Variants in SMARCAL1 observed in about 807,000 individuals in gnomAD.
SMARCAL1 encodes the protein ATP-driven annealing helicase.
In SMARCAL1, 58 loss-of-function variants were observed where a neutral mutation model predicts 94.5. The ratio of observed to expected loss-of-function variants is 0.61; its 90% CI spans 0.50 to 0.76. SMARCAL1 has a LOEUF of 0.76. Ranked by LOEUF, SMARCAL1 falls within the 30% of genes least tolerant of loss-of-function variation. SMARCAL1 has a pLI of 0.00. For missense variants in SMARCAL1, 1,051 were observed against 1,177.9 expected (o/e 0.89, Z 1.58); for synonymous variants, 422 against 455.1 (o/e 0.93, Z 0.93).
At chr2:216,463,137 C>T (rs966847507) in intron 12 of SMARCAL1, among the ~76,000 whole-genome samples, 1 of 152,154 alleles carries the variant, frequency 6.6e-6, no homozygotes, top group African/African-American at 2.4e-5. Context: ...GATGTTATTG[C>T]TGTTGAATCA....
intron 13 of SMARCAL1, among the ~76,000 whole-genome samples, chr2:216,466,121 C>T (rs1694824305): frequency 1.3e-5 from 2 of 152,166 alleles, no homozygotes; most frequent in Admixed American, 1.3e-4. Flanking sequence ...GTGTGCGTTT[C>T]TCCCTTGCTC....
chr2:216,432,865 G>C lies in SMARCAL1; in HGVS notation c.1482G>C (p.Glu494Asp). ...CATCCTCCGTGCGCTTCACCTGGGA[G>C]CAGGTTAATGGTCTTCAAATTGCAG... The part of the protein sequence containing the change: ...VVPSSVRFTW[E>D]QAFLRWLPSL... The change falls in exon 8 of 18, where the codon GAG (glutamate) becomes GAC (aspartate). Residue 494 changes from glutamate (E) to aspartate (D), a missense_variant. Coordinates refer to ENST00000357276, the MANE Select transcript of SMARCAL1 (RefSeq NM_014140.4). 3 of 1,614,242 alleles carry C rather than the reference G, an allele frequency of 1.9e-6. No homozygotes were observed. Among genetic ancestry groups the C allele is most frequent in the Non-Finnish European group, 2.5e-6 (3 of 1,180,044 alleles).
intron 15 of SMARCAL1, 108 bp from the exon 16 acceptor site, chr2:216,477,001 G>A (rs1275351808): frequency 4.8e-6 from 4 of 831,868 alleles, no homozygotes. Flanking sequence ...CTTTGAGGAG[G>A]GAGGGTTGTG....
chr2:216,443,366 CAA>C (rs34568945), intron 10 of SMARCAL1, among the ~76,000 whole-genome samples: 7 of 81,046 alleles, frequency 8.6e-5, no homozygotes, highest in Admixed American at 1.4e-4. Context: ...CACTCTGTCT[CAA>C]AAAAAAAAAA....
chr2:216,419,668 A>G (rs1000151912), intron 4 of SMARCAL1, among the ~76,000 whole-genome samples: 2 of 152,086 alleles, frequency 1.3e-5, no homozygotes, highest in South Asian at 2.1e-4. Flanking sequence ...TTATCTAATA[A>G]GTTTATTCAT....
chr2:216,464,470 C>G, intron 12 of SMARCAL1, 127 bp from the exon 13 acceptor site: 1 of 796,240 alleles, frequency 1.3e-6, no homozygotes, highest in South Asian at 1.4e-5. Flanking sequence ...ATTGTCAGCA[C>G]CAGGGTCTCC....
At chr2:216,442,830 T>G (rs1694224530) in intron 10 of SMARCAL1, among the ~76,000 whole-genome samples, 1 of 152,186 alleles carries the variant, frequency 6.6e-6, no homozygotes, top group Non-Finnish European at 1.5e-5. Flanking sequence ...CATTTTTTCA[T>G]ATGTTAGAGA....
At chr2:216,459,497 A>G (rs1194584905) in intron 12 of SMARCAL1, among the ~76,000 whole-genome samples, 2 of 152,210 alleles carry the variant, frequency 1.3e-5, no homozygotes, top group Non-Finnish European at 2.9e-5. Context: ...ATCTAGACCA[A>G]TGGAACAGAA....
At chr2:216,449,055 T>G (rs1183488138) in intron 11 of SMARCAL1, among the ~76,000 whole-genome samples, 2 of 152,216 alleles carry the variant, frequency 1.3e-5, no homozygotes, top group Non-Finnish European at 2.9e-5. Context: ...AGCATGGCAC[T>G]GGCATCTAGT....
chr2:216,446,983 T>G (rs762671283), intron 10 of SMARCAL1, 35 bp from the exon 11 acceptor site: 1 of 1,613,604 alleles, frequency 6.2e-7, no homozygotes, highest in Non-Finnish European at 8.5e-7. Flanking sequence ...TGCTCCTCCC[T>G]GTGTTCAGAG....
chr2:216,442,172 T>C (rs1476484054), intron 10 of SMARCAL1, among the ~76,000 whole-genome samples: 1 of 152,086 alleles, frequency 6.6e-6, no homozygotes, highest in African/African-American at 2.4e-5. Context: ...TCCTAACACT[T>C]TGGGAGGCCT....
chr2:216,413,210 G>C (rs1473531629), intron 1 of SMARCAL1, among the ~76,000 whole-genome samples: 1 of 152,190 alleles, frequency 6.6e-6, no homozygotes, highest in Non-Finnish European at 1.5e-5. Context: ...GGAAGGCTTT[G>C]AACCCTATAG....
Position 216,451,075 on chromosome 2 carries a change from G to A in SMARCAL1, c.2070+11G>A, listed in dbSNP as rs780506185. On this transcript the variant is annotated intron_variant, in intron 12 of 17. Coordinates refer to ENST00000357276, the MANE Select transcript of SMARCAL1 (RefSeq NM_014140.4). ...ACCAAGGACAAAACTGTGAGTCCAG[G>A]GCTGGAGACAGATTTGGAAGCAGAC... 6.8e-6 allele frequency: 11 copies of A among 1,606,976 alleles called. No homozygotes were observed. In the South Asian group the frequency reaches 9.9e-5, roughly 14 times the overall value.
At chr2:216,462,914 C>A (rs1260413819) in intron 12 of SMARCAL1, among the ~76,000 whole-genome samples, 1 of 151,980 alleles carries the variant, frequency 6.6e-6, no homozygotes, top group Non-Finnish European at 1.5e-5. Flanking sequence ...TGCTTGAGCC[C>A]AAGACGCTGA....
In SMARCAL1 at chr2:216,428,673, C is replaced by G; in HGVS notation, c.1225C>G (p.Leu409Val). 3 of 1,614,230 alleles carry G rather than the reference C, an allele frequency of 1.9e-6. No individual in the cohort carries two copies. Among genetic ancestry groups the G allele is most frequent in the Non-Finnish European group, 2.5e-6 (3 of 1,180,028 alleles). ...TTLTLAFASQLKKTSLSLTPD... is the reference protein window; with the variant it reads ...TTLTLAFASQVKKTSLSLTPD... ...TCTCACCCTGGCGTTTGCTTCTCAG[C>G]TCAAGAAGACATCTCTCAGTCTCAC... The change falls in exon 7 of 18, where the codon CTC becomes GTC. Residue 409 changes from leucine (L) to valine (V), a missense_variant. Leu to Val is a conservative substitution (Grantham distance 32). Transcript: ENST00000357276.
intron 10 of SMARCAL1, among the ~76,000 whole-genome samples, chr2:216,444,632 C>T (rs749278403): frequency 5.3e-5 from 8 of 152,194 alleles, no homozygotes; most frequent in South Asian, 2.1e-4. Flanking sequence ...TGATTCCCTG[C>T]GTCAGCCTCC....
chr2:216,452,250 G>A (rs1384439035), intron 12 of SMARCAL1, among the ~76,000 whole-genome samples: 2 of 151,958 alleles, frequency 1.3e-5, no homozygotes, highest in African/African-American at 4.8e-5. Flanking sequence ...AGGAAGCTTT[G>A]TCACTAAAAT....
chr2:216,458,102 T>C (rs1694612260), intron 12 of SMARCAL1, among the ~76,000 whole-genome samples: 1 of 152,194 alleles, frequency 6.6e-6, no homozygotes, highest in South Asian at 2.1e-4. Context: ...GATAAATTCC[T>C]TGACACATAC....
chr2:216,434,557 G>A (rs1361295896), intron 8 of SMARCAL1, among the ~76,000 whole-genome samples: 2 of 152,104 alleles, frequency 1.3e-5, no homozygotes, highest in African/African-American at 2.4e-5. Context: ...GGGAGATAGC[G>A]AGGCATGGTG....
Sources: allele counts gnomAD v4.1 joint callset (sites outside exome capture counted in the v4.1 genomes callset), GRCh38; gene constraint gnomAD v4.1.1; transcripts MANE v1.5; gene names NCBI Gene and HGNC (gene_info 2026-07-23, HGNC 2026-07-21).